The following MCCC1 variants were observed in gnomAD, a reference collection of about 807,000 sequenced individuals.
MCCC1 encodes methylcrotonoyl-CoA carboxylase subunit alpha, mitochondrial.
MCCC1 carries 64 observed loss-of-function variants against 83.8 expected under a neutral mutation model. That is an observed-to-expected ratio of 0.76 (90% CI 0.62 to 0.94). The LOEUF is 0.94. MCCC1 is among the 40% of genes least tolerant of loss of function. The pLI, the probability that MCCC1 is intolerant of heterozygous loss-of-function variation, is 0.00. For synonymous variants in MCCC1, 322 were observed against 315.4 expected (o/e 1.02, Z -0.22); for missense variants, 807 against 904.7 (o/e 0.89, Z 1.39).
At chr3:183,112,810 C>T (rs1304507765) in intron 1 of MCCC1, among the ~76,000 whole-genome samples, 1 of 152,058 alleles carries the variant, frequency 6.6e-6, no homozygotes. Flanking sequence ...CGCATTGGCT[C>T]ACACCTGTAA....
chr3:183,051,432 G>A (rs959832894), intron 9 of MCCC1, among the ~76,000 whole-genome samples: 1 of 152,138 alleles, frequency 6.6e-6, no homozygotes, highest in African/African-American at 2.4e-5. Flanking sequence ...GCTACATACT[G>A]TATGATTCCA....
intron 18 of MCCC1, among the ~76,000 whole-genome samples, chr3:183,016,721 T>G (rs939085208): frequency 6.6e-6 from 1 of 152,232 alleles, no homozygotes; most frequent in African/African-American, 2.4e-5. Context: ...ATTGTCAAGC[T>G]GAAAAATCCT....
chr3:183,067,084 C>G (rs147159822), intron 7 of MCCC1, among the ~76,000 whole-genome samples: 1 of 152,226 alleles, frequency 6.6e-6, no homozygotes, highest in East Asian at 1.9e-4. Flanking sequence ...TTTACCAAGG[C>G]TTTGACTGGA....
chr3:183,083,272 T>C (rs1717647386), intron 4 of MCCC1, among the ~76,000 whole-genome samples: 1 of 152,208 alleles, frequency 6.6e-6, no homozygotes, highest in South Asian at 2.1e-4. Flanking sequence ...GCAAGTATCT[T>C]TTTATTAGAG....
At chr3:183,090,778 G>A (rs761340235) in intron 3 of MCCC1, among the ~76,000 whole-genome samples, 11 of 151,922 alleles carry the variant, frequency 7.2e-5, no homozygotes, top group Non-Finnish European at 1.0e-4. Flanking sequence ...TAATAGAGAC[G>A]GGATTTCTCC....
At chr3:183,042,819 C>T (rs1041593152) in intron 10 of MCCC1, among the ~76,000 whole-genome samples, 1 of 152,170 alleles carries the variant, frequency 6.6e-6, no homozygotes, top group African/African-American at 2.4e-5. Flanking sequence ...CACTATGTTA[C>T]CTATTATCAT....
intron 17 of MCCC1, 126 bp from the exon 18 acceptor site, chr3:183,017,463 T>A: frequency 1.2e-6 from 1 of 850,452 alleles, no homozygotes; most frequent in South Asian, 1.4e-5. Context: ...AAACCATGAA[T>A]ATAAACAATA....
intron 4 of MCCC1, among the ~76,000 whole-genome samples, chr3:183,075,904 T>G (rs1717039764): frequency 6.6e-6 from 1 of 152,198 alleles, no homozygotes; most frequent in Admixed American, 6.5e-5. Flanking sequence ...TCCTTATAGA[T>G]GCTAGATATT....
At chr3:183,073,341 T>C (rs1217043273) in intron 4 of MCCC1, among the ~76,000 whole-genome samples, 4 of 152,198 alleles carry the variant, frequency 2.6e-5, no homozygotes, top group African/African-American at 9.7e-5. Flanking sequence ...AAAACTGGCC[T>C]AGAATTGAAA....
chr3:183,028,661 G>A (rs543218466), intron 14 of MCCC1, among the ~76,000 whole-genome samples: 85 of 152,316 alleles, frequency 5.6e-4, no homozygotes, highest in Admixed American at 2.0e-4. Flanking sequence ...AGCAGAGGAA[G>A]TAACTGCAGA....
chr3:183,028,515 G>C (rs1712791500), intron 14 of MCCC1, among the ~76,000 whole-genome samples: 2 of 152,146 alleles, frequency 1.3e-5, no homozygotes, highest in African/African-American at 4.8e-5. Flanking sequence ...GATGGATCTA[G>C]GCAAAGTAAA....
intron 10 of MCCC1, among the ~76,000 whole-genome samples, chr3:183,043,055 C>T (rs1488748930): frequency 1.3e-5 from 2 of 152,084 alleles, no homozygotes; most frequent in African/African-American, 2.4e-5. Flanking sequence ...TTTGGGAGGC[C>T]GAGGCAGGCG....
intron 17 of MCCC1, chr3:183,017,713 C>A (rs896402486): frequency 3.9e-6 from 1 of 257,834 alleles, no homozygotes; most frequent in African/African-American, 2.3e-5. Flanking sequence ...GGCTTACAGC[C>A]CAAATGTACA....
chr3:183,025,849 CATTT>C (rs766362555), intron 14 of MCCC1, 45 bp from the exon 15 acceptor site: 5 of 1,518,028 alleles, frequency 3.3e-6, no homozygotes, highest in Admixed American at 1.7e-5. Context: ...AGAAGACATT[CATTT>C]ATTTAATAAC....
At chr3:183,070,758 C>T (rs1716607353) in intron 7 of MCCC1, among the ~76,000 whole-genome samples, 1 of 151,688 alleles carries the variant, frequency 6.6e-6, no homozygotes, top group African/African-American at 2.4e-5. Context: ...ATTCTATTCA[C>T]TGTTCTTAGG....
At chr3:183,017,411 T>C (rs1711737490) in intron 17 of MCCC1, 74 bp from the exon 18 acceptor site, 5 of 1,350,568 alleles carry the variant, frequency 3.7e-6, no homozygotes, top group South Asian at 3.5e-5. Flanking sequence ...TTCATTATAG[T>C]AACCATTTTA....
intron 1 of MCCC1, among the ~76,000 whole-genome samples, chr3:183,105,903 C>A (rs1719394591): frequency 1.3e-5 from 2 of 151,878 alleles, no homozygotes; most frequent in Non-Finnish European, 2.9e-5. Flanking sequence ...GCCTGGCCAA[C>A]ATGGTGAAAC....
At chr3:183,054,129 G>T (rs540812261) in intron 8 of MCCC1, among the ~76,000 whole-genome samples, 3 of 150,466 alleles carry the variant, frequency 2.0e-5, no homozygotes, top group Non-Finnish European at 4.4e-5. Context: ...TGATCCGCCC[G>T]TCTCAGCCTC....
chr3:183,109,351 C>T (rs1002471887), intron 1 of MCCC1, among the ~76,000 whole-genome samples: 5 of 152,082 alleles, frequency 3.3e-5, no homozygotes, highest in Admixed American at 3.3e-4. Flanking sequence ...TACAAATGAT[C>T]CCGTCACCCT....
Sources: gnomAD v4.1 joint callset for allele counts (sites outside exome capture counted in the v4.1 genomes callset) on GRCh38, gnomAD v4.1.1 for gene constraint, MANE v1.5 for transcripts, NCBI Gene and HGNC (gene_info 2026-07-23, HGNC 2026-07-21) for gene names.